The following NEDD4L variants were observed in gnomAD, a reference collection of about 807,000 sequenced individuals.
NEDD4L encodes the protein NEDD4 like E3 ubiquitin protein ligase.
Under a neutral mutation model 148.9 loss-of-function variants are expected in NEDD4L, and 54 were observed. That is an observed-to-expected ratio of 0.36 (90% CI 0.29 to 0.45). NEDD4L has a LOEUF of 0.45. NEDD4L is among the 20% of genes least tolerant of loss of function. The pLI, the probability that NEDD4L is intolerant of heterozygous loss-of-function variation, is 1.00. For missense variants in NEDD4L, 856 were observed against 1,233.8 expected (o/e 0.69, Z 4.59); for synonymous variants, 433 against 440.7 (o/e 0.98, Z 0.22).
At chr18:58,301,898 A>G (rs2056513997) in intron 5 of NEDD4L, among the ~76,000 whole-genome samples, 1 of 152,164 alleles carries the variant, frequency 6.6e-6, no homozygotes, top group Admixed American at 6.5e-5. Flanking sequence ...TTGATTCCCT[A>G]CAGGCGCCCT....
intron 24 of NEDD4L, among the ~76,000 whole-genome samples, chr18:58,380,300 A>AT (rs1035431542): frequency 1.4e-5 from 2 of 139,352 alleles, no homozygotes; most frequent in Non-Finnish European, 3.0e-5. Flanking sequence ...TTTTTATTTT[A>AT]TTTATTTATT....
intron 2 of NEDD4L, among the ~76,000 whole-genome samples, chr18:58,232,905 G>GCAGGC (rs1018322623): frequency 1.6e-4 from 25 of 152,290 alleles, no homozygotes; most frequent in African/African-American, 5.8e-4. Context: ...GTTTTGGACT[G>GCAGGC]CAGGCTGAAC....
intron 1 of NEDD4L, among the ~76,000 whole-genome samples, chr18:58,108,039 G>A (rs1455413368): frequency 6.6e-6 from 1 of 152,194 alleles, no homozygotes; most frequent in African/African-American, 2.4e-5. Context: ...TTTTTGTGCG[G>A]TGAGAGGAGG....
intron 4 of NEDD4L, among the ~76,000 whole-genome samples, chr18:58,249,769 G>T (rs888577926): frequency 1.3e-5 from 2 of 152,148 alleles, no homozygotes; most frequent in African/African-American, 4.8e-5. Flanking sequence ...CCTCTCAATC[G>T]CAATAGTATT....
At chr18:58,173,742 A>G (rs990306226) in intron 2 of NEDD4L, among the ~76,000 whole-genome samples, 5 of 152,234 alleles carry the variant, frequency 3.3e-5, no homozygotes, top group East Asian at 3.8e-4. Context: ...ACATATTTCT[A>G]TATAACTGTA....
chr18:58,215,709 G>GA (rs369221278), intron 2 of NEDD4L, among the ~76,000 whole-genome samples: 2,182 of 151,520 alleles, frequency 0.014, 42 homozygotes, highest in African/African-American at 0.049. Flanking sequence ...TTCTAAGTCT[G>GA]AAAAAAAATA....
chr18:58,359,695 T>C (rs1479828821), intron 19 of NEDD4L, among the ~76,000 whole-genome samples: 1 of 152,198 alleles, frequency 6.6e-6, no homozygotes, highest in African/African-American at 2.4e-5. Context: ...TAGTCCAGTT[T>C]ATGGTTCTTA....
chr18:58,256,068 G>C lies in NEDD4L; in HGVS notation c.297+4014G>C. On this transcript the variant is annotated intron_variant, in intron 5 of 30. Transcript: ENST00000400345. This position sits in a 1 kb window ranked among gnomAD's most constrained non-coding sequence, Gnocchi z 5.2. ...AGGGCCTCGCCCCAGAGTGGCTCCC[G>C]GGAGCCCTCGCCGAGGGACACCCCC... is the stretch of plus-strand genomic sequence containing the variant. The C allele has an allele frequency of 8.1e-7, 1 of 1,228,640 alleles. No individual in the cohort carries two copies. Among genetic ancestry groups the C allele is most frequent in the Non-Finnish European group, 1.0e-6 (1 of 985,958 alleles). 76.1% of individuals were successfully genotyped at this position (1,228,640 alleles called of 1,614,324 possible).
chr18:58,360,807 C>A (rs936555254), intron 19 of NEDD4L, among the ~76,000 whole-genome samples: 4 of 151,246 alleles, frequency 2.6e-5, no homozygotes, highest in Non-Finnish European at 5.9e-5. Flanking sequence ...AGAGCATGAG[C>A]AAGCTCATTT....
At chr18:58,365,318 C>T (rs1034692679) in intron 20 of NEDD4L, among the ~76,000 whole-genome samples, 1 of 152,106 alleles carries the variant, frequency 6.6e-6, no homozygotes, top group African/African-American at 2.4e-5. Flanking sequence ...ATCACCCAGT[C>T]TCACTCTATG....
intron 1 of NEDD4L, among the ~76,000 whole-genome samples, chr18:58,135,762 G>T (rs1337486709): frequency 6.6e-6 from 1 of 152,214 alleles, no homozygotes; most frequent in African/African-American, 2.4e-5. Flanking sequence ...TGATTTGTGG[G>T]ATCGTTTTGT....
intron 5 of NEDD4L, among the ~76,000 whole-genome samples, chr18:58,303,609 G>A (rs183157230): frequency 3.3e-5 from 5 of 152,290 alleles, no homozygotes; most frequent in East Asian, 1.9e-4. Flanking sequence ...TGTTTTACCC[G>A]TTAATAAGGA....
intron 1 of NEDD4L, among the ~76,000 whole-genome samples, chr18:58,159,553 G>A (rs2035939697): frequency 6.6e-6 from 1 of 152,156 alleles, no homozygotes; most frequent in African/African-American, 2.4e-5. Context: ...GCTCTAAAAA[G>A]AGTAGTCTTA....
intron 1 of NEDD4L, among the ~76,000 whole-genome samples, chr18:58,070,543 A>G (rs984992309): frequency 4.6e-5 from 7 of 152,268 alleles, no homozygotes; most frequent in East Asian, 3.9e-4. Context: ...AAAAGCTCCA[A>G]CATATTCCTG....
chr18:58,199,276 G>A (rs2041117522), intron 2 of NEDD4L, among the ~76,000 whole-genome samples: 1 of 152,132 alleles, frequency 6.6e-6, no homozygotes, highest in Non-Finnish European at 1.5e-5. Context: ...AAAGCCGGTG[G>A]TTCTCAACCA....
chr18:58,391,437 A>C (rs771192394), intron 29 of NEDD4L, 50 bp from the exon 30 acceptor site: 2 of 1,452,152 alleles, frequency 1.4e-6, no homozygotes, highest in South Asian at 2.4e-5. Flanking sequence ...CCATAGCTTC[A>C]TTCTTCTGCC....
chr18:58,199,471 G>C (rs1260412592), intron 2 of NEDD4L, among the ~76,000 whole-genome samples: 1 of 152,140 alleles, frequency 6.6e-6, no homozygotes, highest in Non-Finnish European at 1.5e-5. Context: ...CGTCGGTACT[G>C]GTTGACCGTA....
chr18:58,357,423 A>G (rs1474402155), intron 19 of NEDD4L, 171 bp downstream of exon 19: 3 of 729,670 alleles, frequency 4.1e-6, no homozygotes, highest in Non-Finnish European at 7.6e-6. Flanking sequence ...GGTGAGGTAC[A>G]GCTGCATGTG....
chr18:58,215,833 A>G (rs1444201867), intron 2 of NEDD4L, among the ~76,000 whole-genome samples: 1 of 152,236 alleles, frequency 6.6e-6, no homozygotes. Flanking sequence ...GCATCATAAC[A>G]TAGATATAGT....
Sources: allele counts gnomAD v4.1 joint callset (sites outside exome capture counted in the v4.1 genomes callset), GRCh38; gene constraint gnomAD v4.1.1; non-coding constraint Gnocchi (gnomAD v3.1); transcripts MANE v1.5; gene names NCBI Gene and HGNC (gene_info 2026-07-23, HGNC 2026-07-21).